Variants in TCF12 observed in about 807,000 individuals in gnomAD.
The protein encoded by TCF12 is DNA-binding protein HTF4.
In TCF12, 45 loss-of-function variants were observed where a neutral mutation model predicts 86.0. The ratio of observed to expected loss-of-function variants is 0.52; its 90% CI spans 0.41 to 0.67. The LOEUF is 0.67. Among genes scored for constraint, TCF12 ranks in the 30% least tolerant of loss-of-function variants. TCF12 has a pLI of 0.00. For synonymous variants in TCF12, 330 were observed against 299.6 expected, an observed-to-expected ratio of 1.10 and a Z score of -1.05; for missense variants, 881 against 859.9, an observed-to-expected ratio of 1.02 and a Z score of -0.31.
Position 57,072,847 on chromosome 15 carries a change from A to C in TCF12, c.222+9024A>C. 3 of 467,458 alleles carry C rather than the reference A, an allele frequency of 6.4e-6. No individual in the cohort carries two copies. The South Asian group carries it at 8.5e-5, about 13-fold the overall frequency. The allele number at this position is 467,458 out of a possible 1,614,324, so 29.0% of individuals were successfully genotyped here. On this transcript the variant is annotated intron_variant, in intron 4 of 20. Coordinates refer to ENST00000333725, the MANE Select transcript of TCF12 (RefSeq NM_207037.2). ...AGGGTGTGTTTTAAAGTTAGGTTTA[A>C]ATAAAGCCAGAAGAGTAAAATGTTT...
At chr15:57,045,633 C>T (rs990739659) in intron 3 of TCF12, among the ~76,000 whole-genome samples, 1 of 152,142 alleles carries the variant, frequency 6.6e-6, no homozygotes, top group African/African-American at 2.4e-5. Flanking sequence ...GCAGCTTCTA[C>T]CTCCTGGGCT....
rs766940387 is a variant in TCF12, at chr15:57,234,068, C to T, written c.996C>T (p.Ser332=). ...GAACCAGAGGGAATGCTGCTGGAAG[C>T]TCACAGACAGGTGATGCACTTGGAA... ...ILGTRGNAAG[S]SQTGDALGKA... The change falls in exon 12 of 21, where the codon AGC becomes AGT. Residue 332 remains serine (S), a synonymous_variant. Transcript: ENST00000333725. 6 of 1,613,642 alleles carry T rather than the reference C, an allele frequency of 3.7e-6. No homozygotes were observed. The East Asian group carries it at 1.1e-4, about 30-fold the overall frequency.
intron 5 of TCF12, among the ~76,000 whole-genome samples, chr15:57,099,668 T>G (rs1419498700): frequency 1.3e-5 from 2 of 152,190 alleles, no homozygotes; most frequent in African/African-American, 4.8e-5. Context: ...CAGGTCGTAA[T>G]CCATTAGTGA....
chr15:57,087,090 TGTCTCCCTCTCTCTCC>T (rs1478029563), intron 4 of TCF12, among the ~76,000 whole-genome samples: 1 of 147,894 alleles, frequency 6.8e-6, no homozygotes, highest in East Asian at 2.0e-4. Context: ...TGTCTCCCTC[TGTCTCCCTCTCTCTCC>T]CTCTCCCTCT....
intron 15 of TCF12, among the ~76,000 whole-genome samples, chr15:57,253,020 A>G (rs1469664416): frequency 6.8e-6 from 1 of 147,992 alleles, no homozygotes; most frequent in Non-Finnish European, 1.5e-5. Context: ...ACCTCATGGT[A>G]GTTTGGTAAA....
chr15:57,136,982 T>TGAGACGGAG (rs2052586775), intron 5 of TCF12, among the ~76,000 whole-genome samples: 2 of 88,114 alleles, frequency 2.3e-5, no homozygotes, highest in African/African-American at 4.1e-5. Flanking sequence ...TTTTTTTTTT[T>TGAGACGGAG]TTTTTTTTTT....
intron 3 of TCF12, among the ~76,000 whole-genome samples, chr15:56,924,921 G>A (rs557398352): frequency 1.0e-3 from 158 of 152,278 alleles, no homozygotes; most frequent in South Asian, 2.5e-3. Flanking sequence ...AAACAAGGTC[G>A]GGTGTGGTGG....
intron 12 of TCF12, among the ~76,000 whole-genome samples, chr15:57,239,831 G>T (rs1364126477): frequency 1.3e-5 from 2 of 152,082 alleles, no homozygotes; most frequent in Admixed American, 1.3e-4. Context: ...GGAAGCTTGG[G>T]GTGGTGATAA....
At chr15:57,101,321 C>G (rs1356061608) in intron 5 of TCF12, among the ~76,000 whole-genome samples, 1 of 152,104 alleles carries the variant, frequency 6.6e-6, no homozygotes, top group Non-Finnish European at 1.5e-5. Context: ...TCCTCCCACT[C>G]AGCCTCCCAA....
At chr15:57,195,254 A>T (rs1403443633) in intron 7 of TCF12, among the ~76,000 whole-genome samples, 1 of 152,224 alleles carries the variant, frequency 6.6e-6, no homozygotes, top group Non-Finnish European at 1.5e-5. Flanking sequence ...GGTGAATCCC[A>T]GGCTCTCATG....
chr15:57,171,283 C>T (rs780172023), intron 6 of TCF12, among the ~76,000 whole-genome samples: 3 of 151,164 alleles, frequency 2.0e-5, no homozygotes, highest in Non-Finnish European at 4.4e-5. Context: ...AGAGAGGAAG[C>T]CCAAAATTCA....
At chr15:57,231,124 T>C in intron 8 of TCF12, 28 bp from the exon 9 acceptor site, 1 of 1,514,210 alleles carries the variant, frequency 6.6e-7, no homozygotes, top group Non-Finnish European at 9.2e-7. Context: ...CATTTACATT[T>C]TAATTAAATG....
At chr15:57,135,273 TG>T (rs1478651984) in intron 5 of TCF12, among the ~76,000 whole-genome samples, 3 of 152,202 alleles carry the variant, frequency 2.0e-5, no homozygotes, top group Non-Finnish European at 2.9e-5. Context: ...TTCCTGTAAT[TG>T]GAAAAAGAAC....
rs138454347 is a variant in TCF12, at chr15:56,924,077, A to G, written c.148+2979A>G. 4.6e-3 allele frequency among the ~76,000 whole-genome samples: 698 copies of G among 152,188 alleles called. 7 individuals are homozygous for G. The highest frequency in any genetic ancestry group is 0.022 in the Admixed American group (331 of 15,286). On this transcript the variant is annotated intron_variant, in intron 3 of 20. Transcript: ENST00000333725. ...TTACAGGCTTTTTGAAAATATTGAC[A>G]TAGGGCCAGAAAAATGAATTCTCAT...
intron 7 of TCF12, among the ~76,000 whole-genome samples, chr15:57,196,968 A>G (rs759680101): frequency 2.0e-5 from 3 of 152,134 alleles, no homozygotes; most frequent in Non-Finnish European, 2.9e-5. Context: ...ACTGTAGGAT[A>G]GCAAGCATAG....
intron 19 of TCF12, 103 bp from the exon 20 acceptor site, chr15:57,282,342 A>G (rs2061728922): frequency 1.5e-6 from 2 of 1,349,460 alleles, no homozygotes; most frequent in African/African-American, 2.9e-5. Flanking sequence ...GATGGTACTT[A>G]GTATGGGAAT....
intron 3 of TCF12, among the ~76,000 whole-genome samples, chr15:56,978,252 CAG>C (rs2062711443): frequency 1.3e-5 from 2 of 152,030 alleles, no homozygotes; most frequent in African/African-American, 4.8e-5. Flanking sequence ...GAGAGAAGTT[CAG>C]AGTTAGTGAA....
chr15:57,086,706 A>T (rs1250842914), intron 4 of TCF12, among the ~76,000 whole-genome samples: 198 of 840 alleles, frequency 0.24, 1 homozygote, highest in African/African-American at 0.36. Flanking sequence ...CCCTCCCTTT[A>T]AAAAAAAAAA....
chr15:57,188,200 A>C (rs554216796), intron 6 of TCF12, among the ~76,000 whole-genome samples: 16 of 152,306 alleles, frequency 1.1e-4, no homozygotes, highest in African/African-American at 3.8e-4. Context: ...CAAATACCTA[A>C]GAATTAATTT....
Sources: allele counts gnomAD v4.1 joint callset (sites outside exome capture counted in the v4.1 genomes callset), GRCh38; gene constraint gnomAD v4.1.1; transcripts MANE v1.5; gene names NCBI Gene and HGNC (gene_info 2026-07-23, HGNC 2026-07-21).